The following IVD variants were observed in gnomAD, a reference collection of about 807,000 sequenced individuals.
IVD encodes isovaleryl-CoA dehydrogenase.
In IVD, 31 loss-of-function variants were observed where a neutral mutation model predicts 51.3. The ratio of observed to expected loss-of-function variants is 0.60; its 90% confidence interval spans 0.45 to 0.81. The LOEUF (loss-of-function observed/expected upper bound fraction) is 0.81. Among genes scored for constraint, IVD ranks in the 40% least tolerant of loss-of-function variants. The pLI is 0.00. For synonymous variants in IVD, 205 were observed against 219.4 expected, an observed-to-expected ratio of 0.93 and a Z score of 0.58; for missense variants, 475 against 552.0, an observed-to-expected ratio of 0.86 and a Z score of 1.40.
downstream of IVD, among the ~76,000 whole-genome samples, chr15:40,421,624 C>T (rs942842343): frequency 2.0e-5 from 3 of 152,366 alleles, no homozygotes; most frequent in Non-Finnish European, 4.4e-5. Context: ...TGCCCCAGAC[C>T]TAATCACATC....
At chr15:40,429,461 T>C (rs2141425333), downstream of IVD, among the ~76,000 whole-genome samples, 1 of 152,330 alleles carries the variant, frequency 6.6e-6, no homozygotes, top group South Asian at 2.1e-4. Context: ...CCAATTTTAA[T>C]GTTACCCATT....
At chr15:40,435,464 C>A in exon 9 of IVD, 2 of 1,246,162 alleles carry the variant, frequency 1.6e-6, no homozygotes, top group Non-Finnish European at 1.0e-6. Flanking sequence ...GGGCGAGACC[C>A]GAGGTCAGAC....
In IVD at chr15:40,421,224, G is replaced by T. The variant is rs1296009468; in HGVS notation, c.*2961G>T. 6.1e-6 allele frequency: 6 copies of T among 985,326 alleles called. No homozygotes were observed. The highest frequency in any genetic ancestry group is 6.0e-6 in the Non-Finnish European group (5 of 829,934). The allele number at this position is 985,326 out of a possible 1,614,324, so 61.0% of individuals were successfully genotyped here. A position where few individuals can be genotyped will look rare whatever the true frequency, so the allele number is the denominator to read the frequency against. Reference sequence around the variant, plus strand: ...TCATCCAGTCTGTCTAAGCCCTGTCGACTTGGGGAGGTGATTTCTTTCCTG... The same window carrying T: ...TCATCCAGTCTGTCTAAGCCCTGTCTACTTGGGGAGGTGATTTCTTTCCTG... On this transcript the variant is annotated 3_prime_UTR_variant, in exon 12 of 12. Transcript: ENST00000487418.
At chr15:40,422,807 C>CGT (rs1892434218), downstream of IVD, among the ~76,000 whole-genome samples, 1 of 108,962 alleles carries the variant, frequency 9.2e-6, no homozygotes, top group Admixed American at 1.1e-4. Context: ...ACCATGTTGG[C>CGT]CAGGCTGGTC....
At chr15:40,412,084 C>G (rs1231588381) in intron 6 of IVD, among the ~76,000 whole-genome samples, 1 of 151,892 alleles carries the variant, frequency 6.6e-6, no homozygotes, top group Admixed American at 6.6e-5. Context: ...AAGAAGGAAG[C>G]AGAGCAGGAG....
Position 40,419,976 on chromosome 15 carries a change from C to A in IVD, c.*1713C>A, listed in dbSNP as rs762339649. On this transcript the variant is annotated 3_prime_UTR_variant, in exon 12 of 12. Coordinates refer to ENST00000487418, the MANE Select transcript of IVD (RefSeq NM_002225.5). ...AAAATTAGCCAGGCCTGGTGGCACG[C>A]GCCTGTAATCCCAGTTACACAGAAG... The A allele has an allele frequency of 4.3e-6, 1 of 232,804 alleles. No individual in the cohort carries two copies. The highest frequency in any genetic ancestry group is 7.1e-6 in the Non-Finnish European group (1 of 141,540). The allele number at this position is 232,804 out of a possible 1,614,324, so 14.4% of individuals were successfully genotyped here.
chr15:40,423,322 C>T (rs1189993504), downstream of IVD, among the ~76,000 whole-genome samples: 2 of 152,162 alleles, frequency 1.3e-5, no homozygotes, highest in Admixed American at 1.3e-4. Context: ...ATAAAAGTCC[C>T]CTGTCCCTCC....
rs1026134981 is a variant in IVD, at chr15:40,418,445, C to T, written c.*182C>T. 24 of 1,493,882 alleles carry T rather than the reference C, an allele frequency of 1.6e-5. No homozygotes were observed. The highest frequency in any genetic ancestry group is 7.5e-5 in the South Asian group (6 of 80,418). 92.5% of individuals were successfully genotyped at this position (1,493,882 alleles called of 1,614,324 possible). ...TCCCAAGCATCATGGGCCTCGCAGC[C>T]GGGCCTGTGCCACGGCTAGTGTTGT... On this transcript the variant is annotated 3_prime_UTR_variant, in exon 12 of 12. Transcript: ENST00000487418.
chr15:40,412,167 G>GA lies in IVD; in HGVS notation c.687+484dup, dbSNP rs545598454. The stretch of plus-strand genomic sequence containing the variant: ...ACTGAGCAGATTTTTTGGTCAGAAG[G>GA]AAAAAAAAGGGAAGAAAAAAGAAAA... On this transcript the variant is annotated intron_variant, in intron 6 of 11. Transcript: ENST00000487418. 4.0e-5 allele frequency among the ~76,000 whole-genome samples: 6 copies of GA among 151,516 alleles called. No homozygotes were observed. In the East Asian group the frequency reaches 7.7e-4, roughly 20 times the overall value.
At position 40,407,942 on chromosome 15, in the gene IVD, T is replaced by C; in HGVS notation, c.238T>C (p.Phe80Leu). ...CTCTGCTCCATTCTGTTGGCAGGAATTTTGGAAGCAGCTGGGGAACCTGGG... is the reference window on the plus strand; with the variant it reads ...CTCTGCTCCATTCTGTTGGCAGGAACTTTGGAAGCAGCTGGGGAACCTGGG... ...RSNEFKNLRE[F>L]WKQLGNLGVL... Residue 80 changes from phenylalanine to leucine, a missense_variant, in exon 3 of 12, where the codon TTT (phenylalanine) becomes CTT (leucine). Coordinates refer to ENST00000487418, the MANE Select transcript of IVD (RefSeq NM_002225.5). 3 of 1,614,018 alleles carry C rather than the reference T, an allele frequency of 1.9e-6. No homozygotes were observed. In the African/African-American group the frequency reaches 4.0e-5, roughly 22 times the overall value.
chr15:40,406,370 G>A (rs1159191562), intron 1 of IVD: 3 of 1,307,706 alleles, frequency 2.3e-6, no homozygotes, highest in Non-Finnish European at 3.0e-6. Flanking sequence ...TCACACCTGG[G>A]TGGTCATCGT....
Position 40,419,370 on chromosome 15 carries a change from G to A in IVD, c.*1107G>A. The stretch of plus-strand genomic sequence containing the variant: ...TACTAAAAATACAAAAATTAGCCAG[G>A]GGTGGTGGTGCACGTCTGTAATCCC... On this transcript the variant is annotated 3_prime_UTR_variant, in exon 12 of 12. Transcript: ENST00000487418. 2.1e-6 allele frequency: 1 copy of A among 465,810 alleles called. No individual in the cohort carries two copies. The highest frequency in any genetic ancestry group is 3.7e-6 in the Non-Finnish European group (1 of 271,774). 28.9% of individuals were successfully genotyped at this position (465,810 alleles called of 1,614,324 possible). A position where few individuals can be genotyped will look rare whatever the true frequency, so the allele number is the denominator to read the frequency against.
rs1044885399 is a variant in IVD at position 40,415,347 on chromosome 15, A to G, written c.879-54A>G. 15 of 1,491,986 alleles carry G rather than the reference A, an allele frequency of 1.0e-5. No homozygotes were observed. The African/African-American group carries it at 1.9e-4, about 19-fold the overall frequency. The allele number at this position is 1,491,986 out of a possible 1,614,324, so 92.4% of individuals were successfully genotyped here. ...CTTCCCACGCTAGCATTTTGCCACCACACCCGGTGGTGGGATGAGGAGGTG... is the reference window on the plus strand; with the variant it reads ...CTTCCCACGCTAGCATTTTGCCACCGCACCCGGTGGTGGGATGAGGAGGTG... On this transcript the variant is annotated intron_variant, in intron 8 of 11. Coordinates refer to ENST00000487418, the MANE Select transcript of IVD (RefSeq NM_002225.5).
Position 40,418,503 on chromosome 15 carries a change from T to G in IVD, c.*240T>G. The G allele has an allele frequency of 7.5e-7, 1 of 1,332,374 alleles. No individual in the cohort carries two copies. Among genetic ancestry groups the G allele is most frequent in the Non-Finnish European group, 9.7e-7 (1 of 1,033,222 alleles). 82.5% of individuals were successfully genotyped at this position (1,332,374 alleles called of 1,614,324 possible). ...AAAATGGACTCAGCAGGAAGCATAT[T>G]GTCTGGGGATTGTTGGGACAGGTTT... is the stretch of plus-strand genomic sequence containing the variant. On this transcript the variant is annotated 3_prime_UTR_variant, in exon 12 of 12. Coordinates refer to ENST00000487418, the MANE Select transcript of IVD (RefSeq NM_002225.5).
intron 11 of IVD, among the ~76,000 whole-genome samples, chr15:40,416,577 A>T (rs1891709081): frequency 6.6e-6 from 1 of 152,090 alleles, no homozygotes; most frequent in African/African-American, 2.4e-5. Context: ...CATGCCTGTA[A>T]TCCCAGCTAC....
intron 11 of IVD, 110 bp downstream of exon 11, chr15:40,416,472 C>A: frequency 5.0e-6 from 5 of 996,672 alleles, no homozygotes; most frequent in Admixed American, 4.0e-5. Context: ...ATAATCCCAG[C>A]ACTTTGGGAG....
At chr15:40,421,345 C>T (rs1454844224), downstream of IVD, 1 of 985,230 alleles carries the variant, frequency 1.0e-6, no homozygotes, top group East Asian at 1.1e-4. Flanking sequence ...GAACAAGGGG[C>T]ACGTCTACTT....
chr15:40,406,305 G>A, intron 1 of IVD: 1 of 1,395,122 alleles, frequency 7.2e-7, no homozygotes, highest in South Asian at 1.2e-5. Context: ...TGTGGCACAA[G>A]GGCCCTCAAT....
Position 40,418,813 on chromosome 15 carries a change from G to A in IVD, c.*550G>A. The A allele has an allele frequency of 9.5e-7, 1 of 1,047,972 alleles. No individual in the cohort carries two copies. Among genetic ancestry groups the A allele is most frequent in the South Asian group, 2.6e-5 (1 of 39,078 alleles). The allele number at this position is 1,047,972 out of a possible 1,614,324, so 64.9% of individuals were successfully genotyped here. ...TTGGATAAGGCAAATTCAACTTTCA[G>A]TCTCTTTTCTGGGGGAAAAAAATAA... is the stretch of plus-strand genomic sequence containing the variant. On this transcript the variant is annotated 3_prime_UTR_variant, in exon 12 of 12. Transcript: ENST00000487418.
Sources: allele counts gnomAD v4.1 joint callset (sites outside exome capture counted in the v4.1 genomes callset), GRCh38; gene constraint gnomAD v4.1.1; transcripts MANE v1.5; gene names NCBI Gene and HGNC (gene_info 2026-07-23, HGNC 2026-07-21).